The following FGF12 variants were observed in gnomAD, a reference collection of about 807,000 sequenced individuals.
FGF12 encodes the protein fibroblast growth factor 12, also known as fibroblast growth factor 12B.
FGF12 carries 14 observed loss-of-function variants against 23.6 expected under a neutral mutation model. The observed-to-expected ratio is 0.59, with a 90% CI of 0.39 to 0.93. The LOEUF is 0.93. Ranked by LOEUF, FGF12 falls within the 40% of genes least tolerant of loss-of-function variation. The probability of loss-of-function intolerance (pLI) is 0.00; values close to 1 mark genes in which losing one functional copy is unlikely to be tolerated. For synonymous variants in FGF12, 62 were observed against 77.3 expected, an observed-to-expected ratio of 0.80 and a Z score of 1.04; for missense variants, 175 against 217.8, an observed-to-expected ratio of 0.80 and a Z score of 1.24.
At chr3:192,566,705 T>C (rs1364289786) in intron 2 of FGF12, among the ~76,000 whole-genome samples, 1 of 152,180 alleles carries the variant, frequency 6.6e-6, no homozygotes, top group African/African-American at 2.4e-5. Flanking sequence ...ATCTCCTAGT[T>C]TCCCTCAAAC....
chr3:192,705,188 C>G (rs898273588), intron 2 of FGF12, among the ~76,000 whole-genome samples: 1 of 152,206 alleles, frequency 6.6e-6, no homozygotes, highest in Non-Finnish European at 1.5e-5. Flanking sequence ...AGTGGCCCAG[C>G]TTTCAGCGTA....
chr3:192,206,174 C>T (rs904742565), intron 4 of FGF12, among the ~76,000 whole-genome samples: 1 of 152,226 alleles, frequency 6.6e-6, no homozygotes, highest in African/African-American at 2.4e-5. Flanking sequence ...AAGGAGATCT[C>T]TGCCTTTCCA....
At chr3:192,398,933 T>C (rs1720642386) in intron 2 of FGF12, among the ~76,000 whole-genome samples, 1 of 152,156 alleles carries the variant, frequency 6.6e-6, no homozygotes, top group East Asian at 1.9e-4. Flanking sequence ...ATTTCCTCAT[T>C]GATTTAACAG....
At chr3:192,239,929 CAG>C (rs1268840129) in intron 4 of FGF12, among the ~76,000 whole-genome samples, 3 of 152,092 alleles carry the variant, frequency 2.0e-5, no homozygotes, top group Non-Finnish European at 4.4e-5. Flanking sequence ...CTTAGTGAAA[CAG>C]GGTAAGATGA....
chr3:192,520,883 ATTGT>A (rs758461761), intron 2 of FGF12, among the ~76,000 whole-genome samples: 2 of 151,978 alleles, frequency 1.3e-5, no homozygotes, highest in Non-Finnish European at 2.9e-5. Flanking sequence ...TGGTCTTTTG[ATTGT>A]TTCCAGTATT....
At chr3:192,221,326 T>C (rs1040783392) in intron 4 of FGF12, among the ~76,000 whole-genome samples, 2 of 152,192 alleles carry the variant, frequency 1.3e-5, no homozygotes, top group Non-Finnish European at 2.9e-5. Context: ...TAGGCTCTTA[T>C]ATGCAAGCCA....
At position 192,143,807 on chromosome 3, in the gene FGF12, C is replaced by T; in HGVS notation, c.*202G>A. ...GCTAATCTTTGTGCACGTGAATTTT[C>T]TACCACATTGCAACAAGCAAGCTTT... On this transcript the variant is annotated 3_prime_UTR_variant, in exon 6 of 6. Transcript: ENST00000445105. The T allele has an allele frequency of 2.0e-6, 1 of 497,418 alleles. No homozygotes were observed. Among genetic ancestry groups the T allele is most frequent in the Non-Finnish European group, 3.6e-6 (1 of 281,328 alleles). 30.8% of individuals were successfully genotyped at this position (497,418 alleles called of 1,614,324 possible).
At chr3:192,164,864 A>AT (rs1181922479) in intron 5 of FGF12, among the ~76,000 whole-genome samples, 4 of 152,120 alleles carry the variant, frequency 2.6e-5, no homozygotes. Flanking sequence ...TTATGCTATC[A>AT]TTTTCTAATC....
intron 4 of FGF12, among the ~76,000 whole-genome samples, chr3:192,229,788 G>A (rs1023835215): frequency 5.3e-5 from 8 of 152,024 alleles, no homozygotes; most frequent in African/African-American, 1.9e-4. Flanking sequence ...AAATGAAAGC[G>A]ATCTACTCAT....
At chr3:192,335,104 G>C (rs115597953) in intron 4 of FGF12, among the ~76,000 whole-genome samples, 1 of 152,142 alleles carries the variant, frequency 6.6e-6, no homozygotes, top group Non-Finnish European at 1.5e-5. Flanking sequence ...AATTCCAAAA[G>C]GAGAGTATCC....
intron 2 of FGF12, among the ~76,000 whole-genome samples, chr3:192,578,600 A>G (rs946518635): frequency 2.0e-5 from 3 of 152,210 alleles, no homozygotes; most frequent in African/African-American, 7.2e-5. Context: ...CTAACCTCAG[A>G]GACACCCAGT....
chr3:192,304,926 C>T (rs1332235759), intron 4 of FGF12, among the ~76,000 whole-genome samples: 1 of 152,130 alleles, frequency 6.6e-6, no homozygotes, highest in Admixed American at 6.5e-5. Context: ...CCCAAAGCAT[C>T]TAGCTCACTT....
chr3:192,210,142 T>C (rs1428215066), intron 4 of FGF12, among the ~76,000 whole-genome samples: 1 of 151,874 alleles, frequency 6.6e-6, no homozygotes, highest in African/African-American at 2.4e-5. Context: ...GAAAAAAACA[T>C]AGTGAGCATT....
At chr3:192,297,279 G>T (rs999784969) in intron 4 of FGF12, among the ~76,000 whole-genome samples, 2 of 152,140 alleles carry the variant, frequency 1.3e-5, no homozygotes, top group East Asian at 3.9e-4. Context: ...AATTAAAAAC[G>T]TCTTCTGGAT....
intron 2 of FGF12, among the ~76,000 whole-genome samples, chr3:192,604,256 A>G (rs1714243273): frequency 6.6e-6 from 1 of 152,192 alleles, no homozygotes; most frequent in African/African-American, 2.4e-5. Flanking sequence ...CACATGTTTT[A>G]CAATCAATTT....
chr3:192,161,218 A>C (rs1166359521), intron 5 of FGF12, among the ~76,000 whole-genome samples: 1 of 152,072 alleles, frequency 6.6e-6, no homozygotes, highest in Non-Finnish European at 1.5e-5. Context: ...TAAGAAATGC[A>C]AATTATTTGG....
Position 192,170,603 on chromosome 3 carries a change from ATAG to A in FGF12, c.279_281del (p.Tyr94del), listed in dbSNP as rs1337679725. ...GGTACAGTGTGGAAGAATAGATCACATAGTAGTTTTCAAACACAGATTCCTTGA... is the reference window on the plus strand; with the variant it reads ...GGTACAGTGTGGAAGAATAGATCACATAGTTTTCAAACACAGATTCCTTGA... On this transcript the variant is annotated inframe_deletion, in exon 5 of 6. Transcript: ENST00000445105. 2 of 1,613,800 alleles carry A rather than the reference ATAG, an allele frequency of 1.2e-6. No individual in the cohort carries two copies. Among genetic ancestry groups the A allele is most frequent in the Non-Finnish European group, 1.7e-6 (2 of 1,179,932 alleles).
At chr3:192,437,951 G>A (rs1425209094) in intron 2 of FGF12, among the ~76,000 whole-genome samples, 2 of 152,084 alleles carry the variant, frequency 1.3e-5, no homozygotes, top group Non-Finnish European at 1.5e-5. Flanking sequence ...TCTGAATTCT[G>A]TTCTTCTTTG....
chr3:192,561,471 TC>T (rs1426245350), intron 2 of FGF12, among the ~76,000 whole-genome samples: 2 of 152,082 alleles, frequency 1.3e-5, no homozygotes, highest in East Asian at 3.9e-4. Flanking sequence ...CAAGCGATTC[TC>T]CTGCCTCAGC....
Sources: gnomAD v4.1 joint callset for allele counts (sites outside exome capture counted in the v4.1 genomes callset) on GRCh38, gnomAD v4.1.1 for gene constraint, MANE v1.5 for transcripts, NCBI Gene and HGNC (gene_info 2026-07-23, HGNC 2026-07-21) for gene names.